The following DRC8 variants were observed in gnomAD, a reference collection of about 807,000 sequenced individuals.
The protein encoded by DRC8 is dynein regulatory complex protein 8.
At chr1:245,084,960 C>T in the DRC8 span, among the ~76,000 whole-genome samples, 1 of 152,196 alleles carries the variant, frequency 6.6e-6, no homozygotes, top group African/African-American at 2.4e-5. Flanking sequence ...ACTTTCAAAG[C>T]ATCAGCTTCT....
At chr1:245,026,788 A>G in the DRC8 span, among the ~76,000 whole-genome samples, 2 of 152,274 alleles carry the variant, frequency 1.3e-5, no homozygotes, top group African/African-American at 4.8e-5. Context: ...ACGGAAACAT[A>G]GTACCATATA....
chr1:245,108,929 C>T, the DRC8 span, among the ~76,000 whole-genome samples: 1 of 152,106 alleles, frequency 6.6e-6, no homozygotes, highest in Admixed American at 6.5e-5. Context: ...TGGCTTGTAC[C>T]TCAGTATGGG....
the DRC8 span, among the ~76,000 whole-genome samples, chr1:245,049,461 T>C: frequency 6.6e-6 from 1 of 152,194 alleles, no homozygotes; most frequent in Non-Finnish European, 1.5e-5. This position sits in a 1 kb window ranked among gnomAD's most constrained non-coding sequence, Gnocchi z 4.5. Context: ...CTGGGAGTGA[T>C]AGACCGAAAT....
chr1:244,993,904 A>G, the DRC8 span, among the ~76,000 whole-genome samples: 5 of 152,090 alleles, frequency 3.3e-5, no homozygotes, highest in Middle Eastern at 3.2e-3. Context: ...CAAAACTTGC[A>G]TGGGGGTTTC....
At chr1:245,110,241 G>A in the DRC8 span, among the ~76,000 whole-genome samples, 7 of 152,166 alleles carry the variant, frequency 4.6e-5, no homozygotes, top group South Asian at 1.2e-3. Context: ...AAAATCAGTC[G>A]AGCATGGTGA....
chr1:244,978,680 A>G, the DRC8 span, among the ~76,000 whole-genome samples: 1 of 151,988 alleles, frequency 6.6e-6, no homozygotes, highest in African/African-American at 2.4e-5. Context: ...GGTAGAGATA[A>G]GATCTTGCTC....
the DRC8 span, among the ~76,000 whole-genome samples, chr1:244,975,820 A>G: frequency 6.6e-6 from 1 of 152,200 alleles, no homozygotes; most frequent in African/African-American, 2.4e-5. Flanking sequence ...AGATCACACT[A>G]CTGCACTCCA....
chr1:245,064,537 G>GT, the DRC8 span, among the ~76,000 whole-genome samples: 2 of 152,176 alleles, frequency 1.3e-5, no homozygotes, highest in Non-Finnish European at 2.9e-5. Flanking sequence ...TCTATCCCAA[G>GT]TTTTCCTCTT....
chr1:245,003,042 AT>A, the DRC8 span, among the ~76,000 whole-genome samples: 1 of 152,204 alleles, frequency 6.6e-6, no homozygotes, highest in Non-Finnish European at 1.5e-5. Context: ...GAGTCATACA[AT>A]AATTTGTCTT....
chr1:245,019,401 G>A, the DRC8 span, among the ~76,000 whole-genome samples: 4 of 151,982 alleles, frequency 2.6e-5, no homozygotes, highest in South Asian at 2.1e-4. Context: ...TAAAAAATTC[G>A]TTTAAAGATA....
At chr1:245,084,660 C>T in the DRC8 span, among the ~76,000 whole-genome samples, 1 of 152,152 alleles carries the variant, frequency 6.6e-6, no homozygotes, top group Admixed American at 6.5e-5. Context: ...TATTGGTCCC[C>T]TTGCCTTCTC....
the DRC8 span, among the ~76,000 whole-genome samples, chr1:245,104,794 A>G: frequency 1.4e-4 from 21 of 152,324 alleles, no homozygotes; most frequent in African/African-American, 4.8e-4. Context: ...AAAGCTAACA[A>G]TAATTCTGTA....
the DRC8 span, among the ~76,000 whole-genome samples, chr1:245,060,675 G>T: frequency 6.6e-6 from 1 of 152,218 alleles, no homozygotes; most frequent in South Asian, 2.1e-4. Flanking sequence ...AAGTGTGGAA[G>T]AGGTAAGAAC....
At chr1:244,970,176 CG>C in the DRC8 span, 2 of 706,666 alleles carry the variant, frequency 2.8e-6, no homozygotes, top group Admixed American at 2.2e-5. Context: ...GGGACAAGGC[CG>C]GGGGCCGGGT....
the DRC8 span, among the ~76,000 whole-genome samples, chr1:244,972,776 C>T: frequency 6.7e-6 from 1 of 149,550 alleles, no homozygotes. Flanking sequence ...AAGATCACAC[C>T]ACTGCACTCC....
At chr1:245,051,948 G>A in the DRC8 span, among the ~76,000 whole-genome samples, 1 of 152,122 alleles carries the variant, frequency 6.6e-6, no homozygotes, top group Admixed American at 6.5e-5. Context: ...CAAAGTCAGC[G>A]ACTGTAAAGG....
the DRC8 span, among the ~76,000 whole-genome samples, chr1:245,084,538 T>C: frequency 6.6e-6 from 1 of 152,146 alleles, no homozygotes; most frequent in Non-Finnish European, 1.5e-5. Flanking sequence ...TGCACACTTA[T>C]ATATATATGC....
the DRC8 span, among the ~76,000 whole-genome samples, chr1:244,979,630 C>T: frequency 1.3e-5 from 2 of 151,012 alleles, no homozygotes; most frequent in Admixed American, 6.6e-5. Flanking sequence ...TTAGTAGAGA[C>T]GGGGTTTCAC....
At chr1:245,052,230 A>G in the DRC8 span, among the ~76,000 whole-genome samples, 2 of 152,242 alleles carry the variant, frequency 1.3e-5, no homozygotes, top group Non-Finnish European at 2.9e-5. Context: ...TGAATTTGTC[A>G]TAGGCCACGC....
Sources: allele counts gnomAD v4.1 joint callset (sites outside exome capture counted in the v4.1 genomes callset), GRCh38; gene constraint gnomAD v4.1.1; non-coding constraint Gnocchi (gnomAD v3.1); transcripts MANE v1.5; gene names NCBI Gene and HGNC (gene_info 2026-07-23, HGNC 2026-07-21).